Variants in PDE7B observed in about 807,000 individuals in gnomAD.
PDE7B encodes phosphodiesterase 7B, also known as 3',5'-cyclic-AMP phosphodiesterase 7B.
Under a neutral mutation model 56.2 loss-of-function variants are expected in PDE7B, and 29 were observed. The ratio of observed to expected loss-of-function variants is 0.52; its 90% CI spans 0.38 to 0.70. The LOEUF (loss-of-function observed/expected upper bound fraction) is 0.70, where lower values mean the gene tolerates loss of function less well. Among genes scored for constraint, PDE7B ranks in the 30% least tolerant of loss-of-function variants. PDE7B has a pLI of 0.00. For missense variants in PDE7B, 490 were observed against 565.0 expected (o/e 0.87, Z 1.35); for synonymous variants, 197 against 196.9 (o/e 1.00, Z 0.00).
chr6:136,147,527 A>C, intron 4 of PDE7B, 25 bp downstream of exon 4: 1 of 1,608,782 alleles, frequency 6.2e-7, no homozygotes, highest in Non-Finnish European at 8.5e-7. Flanking sequence ...CCATCTCCTC[A>C]CAGCAGGCCA....
intron 1 of PDE7B, among the ~76,000 whole-genome samples, chr6:135,938,820 T>G (rs1401220569): frequency 6.6e-6 from 1 of 152,174 alleles, no homozygotes; most frequent in Non-Finnish European, 1.5e-5. Flanking sequence ...CTCTACTGTC[T>G]AGGGATAAAA....
chr6:136,190,375 C>T (rs1779204444), intron 12 of PDE7B, among the ~76,000 whole-genome samples: 1 of 152,186 alleles, frequency 6.6e-6, no homozygotes, highest in African/African-American at 2.4e-5. Context: ...TGTACAATAA[C>T]AGTGTGTATT....
At chr6:135,949,432 G>T (rs536267917) in intron 2 of PDE7B, among the ~76,000 whole-genome samples, 2 of 151,934 alleles carry the variant, frequency 1.3e-5, no homozygotes, top group African/African-American at 4.8e-5. Context: ...AATCCTGACC[G>T]CCAAATATGT....
chr6:136,147,389 G>A lies in PDE7B; in HGVS notation c.205G>A (p.Val69Met). Residue 69 changes from valine to methionine, a missense_variant, in exon 4 of 13, where the codon GTG becomes ATG. Transcript: ENST00000308191. Reference protein sequence around the residue: ...YSGEIGTKKKVKRLLSFQRYF... With the variant: ...YSGEIGTKKKMKRLLSFQRYF... The stretch of plus-strand genomic sequence containing the variant: ...AGGGGAGATTGGCACCAAGAAAAAG[G>A]TGAAAAGACTATTAAGCTTTCAAAG... 1 of 1,613,020 alleles carries A rather than the reference G, an allele frequency of 6.2e-7. No individual in the cohort carries two copies. The highest frequency in any genetic ancestry group is 8.5e-7 in the Non-Finnish European group (1 of 1,179,058).
At chr6:136,077,119 G>C (rs1777139129) in intron 2 of PDE7B, among the ~76,000 whole-genome samples, 1 of 151,650 alleles carries the variant, frequency 6.6e-6, no homozygotes. Context: ...GGAAGAGAGG[G>C]AGGGATAGGA....
intron 2 of PDE7B, among the ~76,000 whole-genome samples, chr6:136,001,197 T>C (rs1269061296): frequency 1.3e-5 from 2 of 152,198 alleles, no homozygotes; most frequent in East Asian, 3.9e-4. Flanking sequence ...AAAACCCATC[T>C]GTACATCACC....
Position 135,940,391 on chromosome 6 carries a change from C to A in PDE7B, c.22-7073C>A, listed in dbSNP as rs563643798. 3.3e-5 allele frequency among the ~76,000 whole-genome samples: 5 copies of A among 152,280 alleles called. No individual in the cohort carries two copies. In the South Asian group the frequency reaches 1.0e-3, roughly 32 times the overall value. On this transcript the variant is annotated intron_variant, in intron 1 of 12. Coordinates refer to ENST00000308191, the MANE Select transcript of PDE7B (RefSeq NM_018945.4). ...GGCTACAAACTTCTTAAGGAAAAGA[C>A]CTGGCCTGAATCTCATTTCATTTTG...
chr6:135,975,440 G>T (rs1775168341), intron 2 of PDE7B, among the ~76,000 whole-genome samples: 1 of 152,118 alleles, frequency 6.6e-6, no homozygotes, highest in Non-Finnish European at 1.5e-5. Flanking sequence ...TTTGAGGAAA[G>T]TGAGGAGCAG....
At chr6:136,097,311 C>T (rs1201759366) in intron 2 of PDE7B, among the ~76,000 whole-genome samples, 1 of 152,138 alleles carries the variant, frequency 6.6e-6, no homozygotes, top group Non-Finnish European at 1.5e-5. Context: ...CTGGGTCCTT[C>T]TAGAATTCCC....
Position 136,090,204 on chromosome 6 carries a change from G to A in PDE7B, c.83-18527G>A, listed in dbSNP as rs753442509. Among the ~76,000 whole-genome samples, 8 of 152,194 alleles carry A rather than the reference G, an allele frequency of 5.3e-5. No individual in the cohort carries two copies. The South Asian group carries it at 1.0e-3, about 20-fold the overall frequency. ...GGTGGGGTAGCTTGGGTTCCTTCACGTGGCTATGAGAAAGGCTGAACTGTG... is the reference window on the plus strand; with the variant it reads ...GGTGGGGTAGCTTGGGTTCCTTCACATGGCTATGAGAAAGGCTGAACTGTG... On this transcript the variant is annotated intron_variant, in intron 2 of 12. Transcript: ENST00000308191.
In PDE7B at chr6:136,163,729, A is replaced by T. The variant is rs191143103; in HGVS notation, c.711+7971A>T. ...AGGAATTTCTTCTATCAGATACCCT[A>T]AATCATCTCTCTCAAGTTCAAAGTT... On this transcript the variant is annotated intron_variant, in intron 8 of 12. Transcript: ENST00000308191. Among the ~76,000 whole-genome samples the T allele has an allele frequency of 6.6e-5, 10 of 152,262 alleles. No individual in the cohort carries two copies. The East Asian group carries it at 1.4e-3, about 21-fold the overall frequency.
intron 2 of PDE7B, among the ~76,000 whole-genome samples, chr6:135,962,718 T>C (rs911237661): frequency 2.0e-5 from 3 of 152,162 alleles, no homozygotes; most frequent in African/African-American, 7.2e-5. Flanking sequence ...CAACTGTGCC[T>C]TAAGGTAACC....
Position 136,135,764 on chromosome 6 carries a change from G to C in PDE7B, c.167-11587G>C, listed in dbSNP as rs76273300. On this transcript the variant is annotated intron_variant, in intron 3 of 12. Coordinates refer to ENST00000308191, the MANE Select transcript of PDE7B (RefSeq NM_018945.4). ...TGCTAAACTGTGAAAGGGATGATTT[G>C]AATACTGAAGTCATTACAACCAAGT... is the stretch of plus-strand genomic sequence containing the variant. 4.9e-3 allele frequency among the ~76,000 whole-genome samples: 741 copies of C among 152,150 alleles called. 4 individuals carry two copies. Among genetic ancestry groups the C allele is most frequent in the African/African-American group, 0.017 (716 of 41,518 alleles).
At chr6:135,960,013 A>G (rs1215191020) in intron 2 of PDE7B, among the ~76,000 whole-genome samples, 3 of 152,142 alleles carry the variant, frequency 2.0e-5, no homozygotes, top group African/African-American at 7.2e-5. Context: ...GGCTCAAGTG[A>G]TTCTCTCACC....
chr6:136,128,113 G>A (rs1416333804), intron 3 of PDE7B, among the ~76,000 whole-genome samples: 4 of 152,300 alleles, frequency 2.6e-5, no homozygotes, highest in Middle Eastern at 3.4e-3. Context: ...TGTCGGGCAG[G>A]TCTTGCTTTT....
At chr6:135,958,173 A>G (rs1426070578) in intron 2 of PDE7B, among the ~76,000 whole-genome samples, 1 of 152,182 alleles carries the variant, frequency 6.6e-6, no homozygotes, top group Non-Finnish European at 1.5e-5. Context: ...CAGAGGTTGC[A>G]GTGAGCCTAG....
chr6:136,007,881 G>A (rs1775816760), intron 2 of PDE7B, among the ~76,000 whole-genome samples: 1 of 151,350 alleles, frequency 6.6e-6, no homozygotes, highest in Non-Finnish European at 1.5e-5. Context: ...TGTGCATGAC[G>A]TGCAGGTTAG....
intron 2 of PDE7B, among the ~76,000 whole-genome samples, chr6:135,983,496 C>T (rs542571473): frequency 3.3e-5 from 5 of 152,264 alleles, no homozygotes; most frequent in African/African-American, 1.2e-4. Context: ...GTATCGAGTA[C>T]TTGAATCCTT....
intron 1 of PDE7B, among the ~76,000 whole-genome samples, chr6:135,917,501 A>G (rs1406145335): frequency 6.6e-6 from 1 of 151,494 alleles, no homozygotes; most frequent in African/African-American, 2.4e-5. Flanking sequence ...TACCCATTAT[A>G]TTTCTTTGGA....
Sources: gnomAD v4.1 joint callset for allele counts (sites outside exome capture counted in the v4.1 genomes callset) on GRCh38, gnomAD v4.1.1 for gene constraint, MANE v1.5 for transcripts, NCBI Gene and HGNC (gene_info 2026-07-23, HGNC 2026-07-21) for gene names.